Variants in FAM110B observed in about 807,000 individuals in gnomAD.
FAM110B encodes family with sequence similarity 110 member B.
Under a neutral mutation model 20.4 loss-of-function variants are expected in FAM110B, and 6 were observed. The ratio of observed to expected loss-of-function variants is 0.29; its 90% CI spans 0.16 to 0.58. FAM110B has a LOEUF of 0.58. Among genes scored for constraint, FAM110B ranks in the 20% least tolerant of loss-of-function variants. The pLI, the probability that FAM110B is intolerant of heterozygous loss-of-function variation, is 0.90. For missense variants in FAM110B, 434 were observed against 498.2 expected (o/e 0.87, Z 1.23); for synonymous variants, 226 against 214.1 (o/e 1.06, Z -0.49).
intron 2 of FAM110B, among the ~76,000 whole-genome samples, chr8:58,069,366 G>T (rs1805840576): frequency 1.3e-5 from 2 of 152,146 alleles, no homozygotes. Flanking sequence ...TCCTATCATT[G>T]TCTTAGACAC....
Position 58,146,332 on chromosome 8 carries a change from A to G in FAM110B, c.102A>G (p.Pro34=), listed in dbSNP as rs1472071457. 3 of 1,614,036 alleles carry G rather than the reference A, an allele frequency of 1.9e-6. No homozygotes were observed. The highest frequency in any genetic ancestry group is 1.1e-5 in the South Asian group (1 of 91,084). Residue 34 remains proline (P), a synonymous_variant, in exon 4 of 4, where the codon CCA becomes CCG. Coordinates refer to ENST00000519262, the MANE Select transcript of FAM110B (RefSeq NM_001377989.1). ...CCCTGCGCATCCTGAACAAGGGGCC[A>G]GACTACTTCCGCAGGCAGGCCGAGC... The part of the protein sequence containing the change: ...AVPLRILNKG[P]DYFRRQAEPN...
intron 2 of FAM110B, among the ~76,000 whole-genome samples, chr8:58,074,326 C>T (rs1238208959): frequency 1.3e-5 from 2 of 152,216 alleles, no homozygotes. Context: ...CATCGGTGGG[C>T]CCGTCCATTG....
chr8:58,031,202 C>T (rs1804955542), intron 1 of FAM110B: 1 of 152,170 alleles, frequency 6.6e-6, no homozygotes, highest in Admixed American at 6.5e-5. Flanking sequence ...TTCTGGAGGA[C>T]AGTGTAGCTG....
At chr8:58,087,537 A>G (rs1020846245) in intron 3 of FAM110B, among the ~76,000 whole-genome samples, 1 of 152,206 alleles carries the variant, frequency 6.6e-6, no homozygotes, top group Non-Finnish European at 1.5e-5. Context: ...AAAAGCCAGG[A>G]TACAAGCTCC....
At chr8:58,019,264 G>C (rs12114335) in intron 1 of FAM110B, among the ~76,000 whole-genome samples, 1 of 144,192 alleles carries the variant, frequency 6.9e-6, no homozygotes, top group South Asian at 2.2e-4. Context: ...CTTGAACCCG[G>C]GAGGTGGAGG....
chr8:57,999,811 A>G (rs1314851180), intron 1 of FAM110B, among the ~76,000 whole-genome samples: 4 of 152,154 alleles, frequency 2.6e-5, no homozygotes, highest in African/African-American at 9.7e-5. Context: ...CCACTTTTCC[A>G]TCTGGGCTTG....
intron 1 of FAM110B, among the ~76,000 whole-genome samples, chr8:57,998,415 A>C (rs564252500): frequency 1.3e-5 from 2 of 152,332 alleles, no homozygotes; most frequent in African/African-American, 4.8e-5. Context: ...AAGGAGGTTT[A>C]TTCATTTTGA....
At chr8:58,096,453 G>A (rs1183006723) in intron 3 of FAM110B, among the ~76,000 whole-genome samples, 1 of 152,112 alleles carries the variant, frequency 6.6e-6, no homozygotes, top group African/African-American at 2.4e-5. Context: ...TGGGATTATA[G>A]GTGTGAGCCA....
intron 3 of FAM110B, among the ~76,000 whole-genome samples, chr8:58,123,761 G>A (rs1005312525): frequency 6.6e-6 from 1 of 152,054 alleles, no homozygotes; most frequent in East Asian, 1.9e-4. Flanking sequence ...AATACTCATC[G>A]AGAAAAAAAT....
At chr8:58,101,183 A>C (rs1806771766) in intron 3 of FAM110B, among the ~76,000 whole-genome samples, 1 of 152,176 alleles carries the variant, frequency 6.6e-6, no homozygotes, top group African/African-American at 2.4e-5. Flanking sequence ...TCTCAAAAAA[A>C]AAAAAAACCT....
intron 3 of FAM110B, among the ~76,000 whole-genome samples, chr8:58,123,390 G>A (rs1243680697): frequency 1.3e-5 from 2 of 152,166 alleles, no homozygotes; most frequent in African/African-American, 2.4e-5. Context: ...CCACCGTCCT[G>A]TGAGATTAGT....
At chr8:58,005,591 A>G (rs190986770) in intron 1 of FAM110B, among the ~76,000 whole-genome samples, 119 of 152,320 alleles carry the variant, frequency 7.8e-4, no homozygotes, top group African/African-American at 2.7e-3. Flanking sequence ...GTATTTTTCC[A>G]TGGTGAACAT....
intron 1 of FAM110B, among the ~76,000 whole-genome samples, chr8:58,027,159 T>G (rs574108618): frequency 6.2e-4 from 94 of 152,348 alleles, no homozygotes; most frequent in Middle Eastern, 3.4e-3. Flanking sequence ...AAATTTATTG[T>G]AGACTAAATA....
intron 3 of FAM110B, among the ~76,000 whole-genome samples, chr8:58,129,155 A>T (rs987978725): frequency 1.3e-5 from 2 of 152,192 alleles, no homozygotes; most frequent in African/African-American, 4.8e-5. Context: ...GAATGTCACA[A>T]AAGAGTTCGA....
chr8:58,054,003 A>C (rs1805506094), intron 2 of FAM110B, among the ~76,000 whole-genome samples: 1 of 152,252 alleles, frequency 6.6e-6, no homozygotes, highest in South Asian at 2.1e-4. Flanking sequence ...AGTGGTGTAC[A>C]GAAAACTGAA....
chr8:58,037,925 G>C (rs950083430), intron 2 of FAM110B, among the ~76,000 whole-genome samples: 3 of 152,108 alleles, frequency 2.0e-5, no homozygotes, highest in African/African-American at 7.2e-5. Context: ...CATCTCTGAG[G>C]CTACTTTCTT....
At chr8:58,086,273 T>C (rs1426729801) in intron 3 of FAM110B, among the ~76,000 whole-genome samples, 1 of 152,174 alleles carries the variant, frequency 6.6e-6, no homozygotes, top group African/African-American at 2.4e-5. Context: ...CTAAGTATAA[T>C]AAAGAAAAAA....
intron 3 of FAM110B, among the ~76,000 whole-genome samples, chr8:58,125,149 G>T (rs1159265777): frequency 4.6e-5 from 7 of 152,072 alleles, no homozygotes; most frequent in African/African-American, 1.7e-4. Flanking sequence ...AGGAGTTCGA[G>T]ACCAGCCTGA....
At position 58,146,731 on chromosome 8, in the gene FAM110B, C is replaced by G. The variant is rs199778704; in HGVS notation, c.501C>G (p.Pro167=). ...HSFAESLKVY[P]TQGRRSPQEG... ...TCGCGGAGTCCCTGAAGGTCTACCC[C>G]ACGCAGGGCCGCAGGAGCCCGCAGG... Residue 167 remains proline, a synonymous_variant, in exon 4 of 4, where the codon CCC becomes CCG. Transcript: ENST00000519262. The G allele has an allele frequency of 2.6e-4, 422 of 1,612,172 alleles. No homozygotes were observed. Among genetic ancestry groups the G allele is most frequent in the Non-Finnish European group, 3.2e-4 (372 of 1,179,278 alleles).
Sources: gnomAD v4.1 joint callset for allele counts (sites outside exome capture counted in the v4.1 genomes callset) on GRCh38, gnomAD v4.1.1 for gene constraint, MANE v1.5 for transcripts, NCBI Gene and HGNC (gene_info 2026-07-23, HGNC 2026-07-21) for gene names.